Variants in COBLL1 observed in about 807,000 individuals in gnomAD.
COBLL1 encodes the protein cordon-bleu protein-like 1.
COBLL1 carries 50 observed loss-of-function variants against 94.8 expected under a neutral mutation model. That is an observed-to-expected ratio of 0.53 (90% CI 0.42 to 0.67). COBLL1 has a LOEUF of 0.67. Among genes scored for constraint, COBLL1 ranks in the 30% least tolerant of loss-of-function variants. The pLI is 0.00. For synonymous variants in COBLL1, 448 were observed against 473.8 expected (o/e 0.95, Z 0.71); for missense variants, 1,362 against 1,348.7 (o/e 1.01, Z -0.15).
At chr2:164,785,262 G>A (rs72882424) in intron 2 of COBLL1, among the ~76,000 whole-genome samples, 2,345 of 152,226 alleles carry the variant, frequency 0.015, 26 homozygotes, top group South Asian at 0.027. Flanking sequence ...AGTGGCATTC[G>A]CTTGTAGTTC....
intron 3 of COBLL1, among the ~76,000 whole-genome samples, chr2:164,740,180 T>G (rs1209694807): frequency 6.6e-6 from 1 of 152,042 alleles, no homozygotes; most frequent in East Asian, 1.9e-4. Flanking sequence ...CTGGGCAACA[T>G]GGGGAAATCC....
chr2:164,778,568 A>C (rs1289122352), intron 2 of COBLL1, among the ~76,000 whole-genome samples: 1 of 152,150 alleles, frequency 6.6e-6, no homozygotes. Flanking sequence ...ATGCCACTGC[A>C]CTCTAGCCTG....
At chr2:164,692,448 C>A (rs759783002) in intron 12 of COBLL1, 51 bp from the exon 13 acceptor site, 1 of 1,446,746 alleles carries the variant, frequency 6.9e-7, no homozygotes, top group Non-Finnish European at 9.4e-7. Context: ...AAAGAATGGG[C>A]CATTTTTTGC....
chr2:164,801,770 A>G (rs978074837), intron 2 of COBLL1, among the ~76,000 whole-genome samples: 4 of 152,184 alleles, frequency 2.6e-5, no homozygotes, highest in Non-Finnish European at 5.9e-5. Flanking sequence ...TCCATTTTAA[A>G]GTAAAAGTAT....
At chr2:164,723,815 T>C (rs1326544793) in intron 5 of COBLL1, 1 of 152,170 alleles carries the variant, frequency 6.6e-6, no homozygotes, top group African/African-American at 2.4e-5. Context: ...CAGTCTTTTT[T>C]TGAATCTCAC....
At chr2:164,698,591 C>T (rs1684073227) in intron 11 of COBLL1, among the ~76,000 whole-genome samples, 1 of 151,666 alleles carries the variant, frequency 6.6e-6, no homozygotes, top group Non-Finnish European at 1.5e-5. Context: ...TTTCTATTTG[C>T]ATAGGATTGT....
In COBLL1 at chr2:164,731,099, C is replaced by A. The variant is rs891768807; in HGVS notation, c.231-984G>T. ...ACAGTTGTATTAGAAAATAGTCATGCCCGTTTGTTTATATAACGTCTCAGG... is the reference window on the plus strand; with the variant it reads ...ACAGTTGTATTAGAAAATAGTCATGACCGTTTGTTTATATAACGTCTCAGG... On this transcript the variant is annotated intron_variant, in intron 3 of 13. Coordinates refer to ENST00000652658, the MANE Select transcript of COBLL1 (RefSeq NM_001365672.2). Among the ~76,000 whole-genome samples, 3 of 152,228 alleles carry A rather than the reference C, an allele frequency of 2.0e-5. No individual in the cohort carries two copies. In the South Asian group the frequency reaches 6.2e-4, roughly 32 times the overall value.
chr2:164,713,191 T>G (rs1472063809), intron 7 of COBLL1, among the ~76,000 whole-genome samples: 1 of 152,120 alleles, frequency 6.6e-6, no homozygotes, highest in Non-Finnish European at 1.5e-5. Context: ...ATAAACCTGT[T>G]TTAAGATTCT....
intron 13 of COBLL1, among the ~76,000 whole-genome samples, chr2:164,686,825 T>A (rs1016359421): frequency 2.0e-5 from 3 of 152,192 alleles, no homozygotes; most frequent in African/African-American, 7.2e-5. Context: ...ACAGTTTAGA[T>A]TATAATTTGA....
At chr2:164,806,562 C>T (rs565822554) in intron 2 of COBLL1, among the ~76,000 whole-genome samples, 1 of 152,194 alleles carries the variant, frequency 6.6e-6, no homozygotes, top group Admixed American at 6.5e-5. Flanking sequence ...GTGTGTAATG[C>T]CTTCCTTAGA....
Position 164,680,322 on chromosome 2 carries a change from A to G in COBLL1, c.*5624T>C, listed in dbSNP as rs1682978032. ...ATTGTAACCGTCATAATAATAATGT[A>G]GAGAGTAATGATGACATTACCAAAA... is the stretch of plus-strand genomic sequence containing the variant. On this transcript the variant is annotated 3_prime_UTR_variant, in exon 14 of 14. Coordinates refer to ENST00000652658, the MANE Select transcript of COBLL1 (RefSeq NM_001365672.2). 2 of 152,160 alleles carry G rather than the reference A, an allele frequency of 1.3e-5. No individual in the cohort carries two copies. Among genetic ancestry groups the G allele is most frequent in the Non-Finnish European group, 1.5e-5 (1 of 68,008 alleles). 9.4% of individuals were successfully genotyped at this position (152,160 alleles called of 1,614,324 possible).
chr2:164,677,819 T>C (rs1691363014), downstream of COBLL1, among the ~76,000 whole-genome samples: 1 of 152,180 alleles, frequency 6.6e-6, no homozygotes, highest in Non-Finnish European at 1.5e-5. Context: ...AATGGATATA[T>C]GCAAATGTTA....
intron 2 of COBLL1, among the ~76,000 whole-genome samples, chr2:164,755,731 G>A (rs1009634027): frequency 2.0e-5 from 3 of 152,106 alleles, no homozygotes; most frequent in Admixed American, 6.5e-5. Context: ...AATTTAGCTC[G>A]CAACTCAAAA....
chr2:164,779,823 G>A (rs926109348), intron 2 of COBLL1: 10 of 452,146 alleles, frequency 2.2e-5, no homozygotes, highest in East Asian at 7.0e-5. Flanking sequence ...ATAGCACTCT[G>A]CAAATTTAGA....
chr2:164,678,636 T>TAAGCCACAAA (rs1256935553), downstream of COBLL1, among the ~76,000 whole-genome samples: 3 of 152,098 alleles, frequency 2.0e-5, no homozygotes, highest in Non-Finnish European at 4.4e-5. Flanking sequence ...TTAAGACAAT[T>TAAGCCACAAA]TAAATAAACA....
At chr2:164,711,234 C>A (rs1280554883) in intron 7 of COBLL1, among the ~76,000 whole-genome samples, 8 of 152,184 alleles carry the variant, frequency 5.3e-5, no homozygotes, top group South Asian at 2.1e-4. Flanking sequence ...GCCTAGCATA[C>A]AATACATGCT....
At chr2:164,767,117 C>G (rs533182925) in intron 2 of COBLL1, among the ~76,000 whole-genome samples, 2 of 152,278 alleles carry the variant, frequency 1.3e-5, no homozygotes, top group South Asian at 4.1e-4. Context: ...GGTTTCACTA[C>G]GGAAACACAG....
At chr2:164,832,920 G>A (rs189429981) in intron 2 of COBLL1, among the ~76,000 whole-genome samples, 1 of 152,228 alleles carries the variant, frequency 6.6e-6, no homozygotes, top group East Asian at 1.9e-4. Context: ...GCGCATGCCT[G>A]TAATCCCAGC....
intron 2 of COBLL1, among the ~76,000 whole-genome samples, chr2:164,784,981 T>A (rs1378958073): frequency 6.6e-6 from 1 of 152,092 alleles, no homozygotes; most frequent in Non-Finnish European, 1.5e-5. Context: ...TCCATCCTAA[T>A]GAATGTATTA....
Sources: allele counts gnomAD v4.1 joint callset (sites outside exome capture counted in the v4.1 genomes callset), GRCh38; gene constraint gnomAD v4.1.1; transcripts MANE v1.5; gene names NCBI Gene and HGNC (gene_info 2026-07-23, HGNC 2026-07-21).